The following LAMA2 variants were observed in gnomAD, a reference collection of about 807,000 sequenced individuals.
LAMA2 encodes the protein laminin subunit alpha-2.
In LAMA2, 269 loss-of-function variants were observed where a neutral mutation model predicts 364.8. That is an observed-to-expected ratio of 0.74 (90% CI 0.67 to 0.82). The LOEUF (loss-of-function observed/expected upper bound fraction) is 0.82. LAMA2 is among the 40% of genes least tolerant of loss of function. The pLI, the probability that LAMA2 is intolerant of heterozygous loss-of-function variation, is 0.00. For missense variants in LAMA2, 3,807 were observed against 3,873.2 expected (o/e 0.98, Z 0.45); for synonymous variants, 1,379 against 1,370.6 (o/e 1.01, Z -0.14).
At chr6:129,216,869 G>A (rs1783455255) in intron 12 of LAMA2, among the ~76,000 whole-genome samples, 1 of 152,150 alleles carries the variant, frequency 6.6e-6, no homozygotes, top group African/African-American at 2.4e-5. Context: ...AGATCTTGGA[G>A]CAAGAAGGTA....
intron 8 of LAMA2, among the ~76,000 whole-genome samples, chr6:129,155,897 G>T (rs1779083225): frequency 6.6e-6 from 1 of 151,884 alleles, no homozygotes; most frequent in South Asian, 2.1e-4. Flanking sequence ...GTCAATTACA[G>T]AAAATATTAG....
chr6:129,149,304 C>T (rs1778659787), intron 7 of LAMA2, among the ~76,000 whole-genome samples: 1 of 152,098 alleles, frequency 6.6e-6, no homozygotes, highest in Non-Finnish European at 1.5e-5. Flanking sequence ...CTAATAGTGA[C>T]AACTGGTCTT....
At chr6:129,036,032 T>A (rs1786619189) in intron 1 of LAMA2, among the ~76,000 whole-genome samples, 1 of 152,134 alleles carries the variant, frequency 6.6e-6, no homozygotes, top group Non-Finnish European at 1.5e-5. Flanking sequence ...ATGACATTGG[T>A]AATTTGATAG....
chr6:129,397,060 C>G (rs1779694539), intron 37 of LAMA2, among the ~76,000 whole-genome samples: 1 of 151,246 alleles, frequency 6.6e-6, no homozygotes, highest in South Asian at 2.1e-4. Flanking sequence ...TTGCAGGTTC[C>G]TGAAGAATCT....
At chr6:129,427,915 T>C in intron 41 of LAMA2, 61 bp downstream of exon 41, 5 of 964,824 alleles carry the variant, frequency 5.2e-6, no homozygotes, top group Non-Finnish European at 8.5e-6. Flanking sequence ...GATAAGATAT[T>C]CTATCACACT....
At chr6:128,948,667 G>T (rs1780626521) in intron 1 of LAMA2, among the ~76,000 whole-genome samples, 1 of 152,158 alleles carries the variant, frequency 6.6e-6, no homozygotes, top group African/African-American at 2.4e-5. Flanking sequence ...ATTGGATCAT[G>T]GGGACAGATC....
chr6:128,936,382 T>A (rs1476274250), intron 1 of LAMA2, among the ~76,000 whole-genome samples: 1 of 152,194 alleles, frequency 6.6e-6, no homozygotes, highest in Non-Finnish European at 1.5e-5. Flanking sequence ...GCTTTTATCA[T>A]GACAGGATGT....
intron 14 of LAMA2, among the ~76,000 whole-genome samples, chr6:129,259,010 C>G (rs1786917867): frequency 6.6e-6 from 1 of 152,028 alleles, no homozygotes; most frequent in Admixed American, 6.6e-5. Flanking sequence ...TTAGAGGGTG[C>G]CATCTGGCAC....
At chr6:129,069,516 T>C (rs987518013) in intron 3 of LAMA2, among the ~76,000 whole-genome samples, 46 of 149,092 alleles carry the variant, frequency 3.1e-4, no homozygotes, top group African/African-American at 1.1e-3. Flanking sequence ...ATTATAGATC[T>C]TGAAACTGTG....
chr6:129,460,040 G>C (rs571034634), intron 48 of LAMA2, among the ~76,000 whole-genome samples, 160 bp from the exon 49 acceptor site: 1 of 151,930 alleles, frequency 6.6e-6, no homozygotes, highest in East Asian at 1.9e-4. Flanking sequence ...CTAAGGATAC[G>C]GACAGACTAT....
intron 1 of LAMA2, among the ~76,000 whole-genome samples, chr6:128,935,425 T>C (rs550319538): frequency 1.3e-5 from 2 of 152,300 alleles, no homozygotes; most frequent in South Asian, 2.1e-4. Flanking sequence ...TAGTATTCCA[T>C]GGTGTATATG....
intron 12 of LAMA2, among the ~76,000 whole-genome samples, chr6:129,220,696 GA>G (rs1562345942): frequency 6.6e-6 from 1 of 152,098 alleles, no homozygotes; most frequent in Non-Finnish European, 1.5e-5. Context: ...ATTAGCATCA[GA>G]AAATTTATTA....
chr6:128,928,114 C>T (rs1365029904), intron 1 of LAMA2, among the ~76,000 whole-genome samples: 4 of 152,146 alleles, frequency 2.6e-5, no homozygotes, highest in Admixed American at 1.3e-4. Context: ...TTCTCCTCTA[C>T]GGTAGCTCAA....
intron 1 of LAMA2, among the ~76,000 whole-genome samples, chr6:128,936,419 A>G (rs181183754): frequency 2.6e-5 from 4 of 152,222 alleles, no homozygotes; most frequent in Admixed American, 2.0e-4. Flanking sequence ...CTTTTTCTAC[A>G]TCTGAGATGA....
intron 58 of LAMA2, among the ~76,000 whole-genome samples, chr6:129,495,498 C>T (rs1165034275): frequency 6.6e-6 from 1 of 152,162 alleles, no homozygotes; most frequent in Non-Finnish European, 1.5e-5. Flanking sequence ...TATTAATGCA[C>T]CTAAGAATGT....
At chr6:129,007,918 G>C (rs1475369787) in intron 1 of LAMA2, among the ~76,000 whole-genome samples, 1 of 152,140 alleles carries the variant, frequency 6.6e-6, no homozygotes, top group Non-Finnish European at 1.5e-5. Flanking sequence ...CATGCAACCT[G>C]CTATGGTATG....
At chr6:129,075,886 C>T (rs1445599225) in intron 3 of LAMA2, among the ~76,000 whole-genome samples, 5 of 151,828 alleles carry the variant, frequency 3.3e-5, no homozygotes, top group Non-Finnish European at 7.4e-5. Flanking sequence ...CCCAGGTATT[C>T]GAGACCAGCA....
chr6:129,074,691 G>A (rs1004973506), intron 3 of LAMA2, among the ~76,000 whole-genome samples: 3 of 152,106 alleles, frequency 2.0e-5, no homozygotes, highest in Non-Finnish European at 4.4e-5. Context: ...AATTATTATT[G>A]CTTTTTGTGA....
Position 129,200,357 on chromosome 6 carries a change from T to TACATATACACGTATATGTGTAC in LAMA2, c.1782+7516_1782+7517insATATGTGTACACATATACACGT, listed in dbSNP as rs1782183122. 1.2e-4 allele frequency among the ~76,000 whole-genome samples: 17 copies of TACATATACACGTATATGTGTAC among 137,986 alleles called. 2 individuals carry two copies. Among genetic ancestry groups the TACATATACACGTATATGTGTAC allele is most frequent in the Admixed American group, 1.0e-3 (14 of 13,780 alleles). 90.5% of individuals were successfully genotyped at this position (137,986 alleles called of 152,430 possible). On this transcript the variant is annotated intron_variant, in intron 12 of 64. Coordinates refer to ENST00000421865, the MANE Select transcript of LAMA2 (RefSeq NM_000426.4). ...ATATACACGTATATGTGTACACATA[T>TACATATACACGTATATGTGTAC]ACATATACACGTGTATGTGTACACA...
Sources: allele counts gnomAD v4.1 joint callset (sites outside exome capture counted in the v4.1 genomes callset), GRCh38; gene constraint gnomAD v4.1.1; transcripts MANE v1.5; gene names NCBI Gene and HGNC (gene_info 2026-07-23, HGNC 2026-07-21).